LSP1: variants seen among roughly 807,000 people sequenced by gnomAD.
The protein encoded by LSP1 is lymphocyte specific protein 1.
LSP1 carries 32 observed loss-of-function variants against 49.3 expected under a neutral mutation model. The ratio of observed to expected loss-of-function variants is 0.65; its 90% CI spans 0.49 to 0.87. The LOEUF is 0.87. Ranked by LOEUF, LSP1 falls within the 40% of genes least tolerant of loss-of-function variation. LSP1 has a pLI of 0.00. For synonymous variants in LSP1, 179 were observed against 178.8 expected (o/e 1.00, Z -0.01); for missense variants, 428 against 442.6 (o/e 0.97, Z 0.30).
At chr11:1,861,565 G>T (rs931616290) in intron 1 of LSP1, among the ~76,000 whole-genome samples, 1 of 148,388 alleles carries the variant, frequency 6.7e-6, no homozygotes, top group Admixed American at 6.7e-5. Flanking sequence ...GATGGATAAT[G>T]GATAGATAAA....
rs1452607509 is a variant in LSP1, at chr11:1,887,260, C to A, written c.876C>A (p.Ser292Arg). The A allele has an allele frequency of 1.9e-6, 3 of 1,592,070 alleles. No individual in the cohort carries two copies. The East Asian group carries it at 6.8e-5, about 36-fold the overall frequency. ...AGGATATTGTGGCTGGAGACATGAGCAAGAAAAGCCTCTGGGAGCAGAAGG... is the reference window on the plus strand; with the variant it reads ...AGGATATTGTGGCTGGAGACATGAGAAAGAAAAGCCTCTGGGAGCAGAAGG... ...SCKDIVAGDMSKKSLWEQKGG... is the reference protein window; with the variant it reads ...SCKDIVAGDMRKKSLWEQKGG... The change falls in exon 9 of 11, where the codon AGC becomes AGA. Residue 292 changes from serine (S) to arginine (R), a missense_variant. Coordinates refer to ENST00000311604, the MANE Select transcript of LSP1 (RefSeq NM_002339.3).
intron 1 of LSP1, chr11:1,864,202 G>C: frequency 1.0e-6 from 1 of 987,216 alleles, no homozygotes. Context: ...GGGACAAAGA[G>C]GAACCAGCGA....
intron 1 of LSP1, chr11:1,869,795 G>A: frequency 6.3e-6 from 2 of 317,638 alleles, no homozygotes; most frequent in Non-Finnish European, 1.3e-5. Flanking sequence ...ACAGAGGAGG[G>A]GGCGTGGGGG....
chr11:1,880,042 C>T (rs1203664782), intron 1 of LSP1, 45 bp from the exon 2 acceptor site: 1 of 1,597,712 alleles, frequency 6.3e-7, no homozygotes. Flanking sequence ...CAAAACAGCA[C>T]CTGTGTCGGC....
chr11:1,889,833 G>A, intron 10 of LSP1: 1 of 634,336 alleles, frequency 1.6e-6, no homozygotes. Flanking sequence ...GAAGCCGGGT[G>A]GCGGCCGTGG....
At chr11:1,874,645 C>G (rs1446916596) in intron 1 of LSP1, among the ~76,000 whole-genome samples, 1 of 152,072 alleles carries the variant, frequency 6.6e-6, no homozygotes, top group Admixed American at 6.5e-5. Context: ...GCTGGATGAG[C>G]CAGGGAGGCG....
At chr11:1,867,806 C>T (rs917578882) in intron 1 of LSP1, among the ~76,000 whole-genome samples, 11 of 152,218 alleles carry the variant, frequency 7.2e-5, no homozygotes, top group East Asian at 1.9e-4. Flanking sequence ...AGTGGGAAAA[C>T]GTGTCCCCCC....
At chr11:1,873,661 G>A (rs192710555) in intron 1 of LSP1, among the ~76,000 whole-genome samples, 2 of 151,992 alleles carry the variant, frequency 1.3e-5, no homozygotes, top group African/African-American at 4.8e-5. Flanking sequence ...GAGGAGGGAG[G>A]AACTGGACCG....
At chr11:1,882,215 G>A (rs1277099837) in intron 3 of LSP1, among the ~76,000 whole-genome samples, 1 of 152,180 alleles carries the variant, frequency 6.6e-6, no homozygotes. Context: ...GCCGCTCTCA[G>A]TCATCTGTGG....
Position 1,884,589 on chromosome 11 carries a change from C to G in LSP1, c.717+8C>G, listed in dbSNP as rs1352720753. 6.2e-7 allele frequency: 1 copy of G among 1,612,794 alleles called. No homozygotes were observed. The highest frequency in any genetic ancestry group is 1.3e-5 in the African/African-American group (1 of 74,834). On this transcript the variant is annotated splice_region_variant and intron_variant, in intron 7 of 10. Coordinates refer to ENST00000311604, the MANE Select transcript of LSP1 (RefSeq NM_002339.3). This position sits in a 1 kb window ranked among gnomAD's most constrained non-coding sequence, Gnocchi z 4.1. ...TACACCCAGGCCATCGAGGTATGAC[C>G]TGGCTCCCCTCTGCTGTCAGGTCCC...
intron 10 of LSP1, chr11:1,889,852 G>C (rs1202200697): frequency 7.9e-6 from 5 of 632,486 alleles, no homozygotes; most frequent in South Asian, 7.4e-5. Context: ...GGTACAGGGG[G>C]CTCCTCAGGC....
chr11:1,873,274 T>C (rs1038916861), intron 1 of LSP1, among the ~76,000 whole-genome samples: 1 of 152,092 alleles, frequency 6.6e-6, no homozygotes, highest in Non-Finnish European at 1.5e-5. Flanking sequence ...CCTTCCTCCC[T>C]GCCAGGACCC....
Position 1,877,089 on chromosome 11 carries a change from C to T in LSP1, c.54-2998C>T, listed in dbSNP as rs557231503. Among the ~76,000 whole-genome samples, 84 of 152,334 alleles carry T rather than the reference C, an allele frequency of 5.5e-4. 1 individual carries two copies. The highest frequency in any genetic ancestry group is 2.0e-3 in the African/African-American group (82 of 41,584). On this transcript the variant is annotated intron_variant, in intron 1 of 10. Transcript: ENST00000311604. ...GCTGAGCCAGGGCCACGGGCGGGGT[C>T]GGCCATCCCAGAGTCCTGACAGCTC...
rs574478318 is a variant in LSP1, at chr11:1,890,718, A to G, written c.*14-1055A>G. 4.3e-5 allele frequency: 26 copies of G among 606,796 alleles called. No homozygotes were observed. In the East Asian group the frequency reaches 7.1e-4, roughly 17 times the overall value. The allele number at this position is 606,796 out of a possible 1,614,324, so 37.6% of individuals were successfully genotyped here. ...GGAGGCCTGAGTATTCTGCTTCCTG[A>G]GCACCCAGAACCTGCCAGGGACATG... On this transcript the variant is annotated intron_variant, in intron 10 of 10. Transcript: ENST00000311604.
intron 1 of LSP1, chr11:1,868,998 G>A: frequency 4.1e-6 from 4 of 986,482 alleles, no homozygotes; most frequent in Non-Finnish European, 4.8e-6. Flanking sequence ...TCGGTGGACT[G>A]GGGTTAACCA....
chr11:1,857,814 A>C (rs1300361008), intron 1 of LSP1, among the ~76,000 whole-genome samples: 3 of 152,156 alleles, frequency 2.0e-5, no homozygotes, highest in African/African-American at 7.2e-5. Flanking sequence ...TAGTGCAGTG[A>C]CACAATCTCG....
At chr11:1,872,624 T>TCAGACTAGTCCTG (rs1848089527) in intron 1 of LSP1, among the ~76,000 whole-genome samples, 1 of 77,428 alleles carries the variant, frequency 1.3e-5, no homozygotes, top group African/African-American at 5.2e-5. Context: ...GTCACCCCGG[T>TCAGACTAGTCCTG]GCACGCTGGT....
At chr11:1,866,841 T>A (rs1452916657) in intron 1 of LSP1, 1 of 1,548,310 alleles carries the variant, frequency 6.5e-7, no homozygotes, top group East Asian at 2.4e-5. Context: ...GTGCGGTGGC[T>A]CACCCCCTTG....
Position 1,881,549 on chromosome 11 carries a change from C to T in LSP1, c.309C>T (p.Ser103=), listed in dbSNP as rs755977620. The change falls in exon 3 of 11, where the codon AGC becomes AGT. Residue 103 remains serine, a synonymous_variant. Coordinates refer to ENST00000311604, the MANE Select transcript of LSP1 (RefSeq NM_002339.3). ...QHEGAQGALD[S]GEPPQCRSPE... is the part of the protein sequence containing the mutation. Reference sequence around the variant, plus strand: ...AGGGGGCGCAGGGCGCCTTGGACAGCGGAGAGCCCCCCCAGTGCAGGAGTC... The same window carrying T: ...AGGGGGCGCAGGGCGCCTTGGACAGTGGAGAGCCCCCCCAGTGCAGGAGTC... 2.3e-5 allele frequency: 36 copies of T among 1,543,160 alleles called. No homozygotes were observed. The highest frequency in any genetic ancestry group is 1.7e-4 in the Middle Eastern group (1 of 5,716).
Sources: allele counts gnomAD v4.1 joint callset (sites outside exome capture counted in the v4.1 genomes callset), GRCh38; gene constraint gnomAD v4.1.1; non-coding constraint Gnocchi (gnomAD v3.1); transcripts MANE v1.5; gene names NCBI Gene and HGNC (gene_info 2026-07-23, HGNC 2026-07-21).